SGPP2: variants seen among roughly 807,000 people sequenced by gnomAD.
SGPP2 encodes sphingosine 1-phosphate phosphohydrolase 2.
SGPP2 carries 30 observed loss-of-function variants against 33.9 expected under a neutral mutation model. The ratio of observed to expected loss-of-function variants is 0.89; its 90% confidence interval spans 0.66 to 1.20. The LOEUF (loss-of-function observed/expected upper bound fraction) is 1.20, where lower values mean the gene tolerates loss of function less well. Among genes scored for constraint, SGPP2 ranks in the 50% most tolerant of loss-of-function variants. The pLI is 0.00. For missense variants in SGPP2, 458 were observed against 532.1 expected (o/e 0.86, Z 1.37); for synonymous variants, 233 against 225.0 (o/e 1.04, Z -0.32).
Position 222,561,160 on chromosome 2 carries a change from C to G in SGPP2, c.*2262C>G, listed in dbSNP as rs1689531701. On this transcript the variant is annotated 3_prime_UTR_variant, in exon 5 of 5. Transcript: ENST00000321276. ...TCCTGTTTTTACTTAAAATTCTTCTCATATTTATTATAGTTAGAAGGCAAA... is the reference window on the plus strand; with the variant it reads ...TCCTGTTTTTACTTAAAATTCTTCTGATATTTATTATAGTTAGAAGGCAAA... 6.6e-6 allele frequency among the ~76,000 whole-genome samples: 1 copy of G among 151,772 alleles called. No homozygotes were observed. Among genetic ancestry groups the G allele is most frequent in the African/African-American group, 2.4e-5 (1 of 41,314 alleles).
At chr2:222,438,540 T>A (rs1697278864) in intron 1 of SGPP2, among the ~76,000 whole-genome samples, 1 of 152,226 alleles carries the variant, frequency 6.6e-6, no homozygotes, top group Non-Finnish European at 1.5e-5. Context: ...GTGGGCCTCA[T>A]GGACAGGAAT....
intron 1 of SGPP2, among the ~76,000 whole-genome samples, chr2:222,433,059 AAGAG>A (rs1440641360): frequency 8.5e-6 from 1 of 117,990 alleles, no homozygotes; most frequent in Admixed American, 9.3e-5. Flanking sequence ...AAGAGAGAGA[AAGAG>A]AGGAGAGAAG....
At chr2:222,444,939 T>C (rs1697377701) in intron 1 of SGPP2, among the ~76,000 whole-genome samples, 1 of 152,134 alleles carries the variant, frequency 6.6e-6, no homozygotes, top group Admixed American at 6.5e-5. Flanking sequence ...GCATGGGTAA[T>C]AAAATAAAGC....
chr2:222,525,368 G>A (rs770480665), intron 4 of SGPP2, among the ~76,000 whole-genome samples: 7 of 152,136 alleles, frequency 4.6e-5, no homozygotes, highest in African/African-American at 1.7e-4. Context: ...TCATAGGCAC[G>A]AGTGAGTAGA....
rs1284849662 is a variant in SGPP2 at position 222,561,092 on chromosome 2, G to A, written c.*2194G>A. The A allele has an allele frequency of 1.6e-4, 23 of 145,666 alleles. No individual in the cohort carries two copies. Among genetic ancestry groups the A allele is most frequent in the Admixed American group, 2.1e-4 (3 of 14,250 alleles). 9.0% of individuals were successfully genotyped at this position (145,666 alleles called of 1,614,324 possible). ...TGCACTCCAGCCTGGGCGACAGAGC[G>A]AGACTCTCTCAAAAAAAAAAAAAAA... On this transcript the variant is annotated 3_prime_UTR_variant, in exon 5 of 5. Coordinates refer to ENST00000321276, the MANE Select transcript of SGPP2 (RefSeq NM_152386.4).
chr2:222,483,109 C>G lies in SGPP2; in HGVS notation c.378+8383C>G, dbSNP rs868231745. Among the ~76,000 whole-genome samples the G allele has an allele frequency of 2.0e-5, 3 of 152,286 alleles. 1 individual carries two copies. The highest frequency in any genetic ancestry group is 6.8e-3 in the Middle Eastern group (2 of 294). ...AAATAGAATAGAAGGTATTTCATCGCTTGTGCAGACTGAATGCTAATATGG... is the reference window on the plus strand; with the variant it reads ...AAATAGAATAGAAGGTATTTCATCGGTTGTGCAGACTGAATGCTAATATGG... On this transcript the variant is annotated intron_variant, in intron 2 of 4. Coordinates refer to ENST00000321276, the MANE Select transcript of SGPP2 (RefSeq NM_152386.4).
At chr2:222,491,142 TA>T (rs62992564) in intron 2 of SGPP2, among the ~76,000 whole-genome samples, 63,331 of 150,600 alleles carry the variant, frequency 0.42, 14,843 homozygotes, top group Middle Eastern at 0.63. Context: ...TCCAAATATA[TA>T]TTTTTTTTTG....
chr2:222,512,157 G>A (rs186544825), intron 2 of SGPP2, among the ~76,000 whole-genome samples: 214 of 151,970 alleles, frequency 1.4e-3, no homozygotes, highest in African/African-American at 5.0e-3. Flanking sequence ...AACTACAGGC[G>A]CCCGCCACCA....
intron 2 of SGPP2, among the ~76,000 whole-genome samples, chr2:222,503,524 T>C (rs1451448578): frequency 1.3e-5 from 2 of 152,210 alleles, no homozygotes; most frequent in African/African-American, 4.8e-5. Flanking sequence ...CTGGTAATAA[T>C]TGCTTTGAAT....
At chr2:222,473,509 T>A (rs1697880776) in intron 1 of SGPP2, among the ~76,000 whole-genome samples, 1 of 152,106 alleles carries the variant, frequency 6.6e-6, no homozygotes, top group African/African-American at 2.4e-5. Flanking sequence ...ATCTCAAGAT[T>A]ATTAATTTGA....
chr2:222,540,160 G>A (rs1698970475), intron 4 of SGPP2, among the ~76,000 whole-genome samples: 2 of 152,112 alleles, frequency 1.3e-5, no homozygotes, highest in Admixed American at 6.5e-5. Flanking sequence ...GGTTTTTTCA[G>A]ATTTTTGAAT....
At chr2:222,490,589 C>T (rs1372188267) in intron 2 of SGPP2, among the ~76,000 whole-genome samples, 1 of 147,530 alleles carries the variant, frequency 6.8e-6, no homozygotes, top group African/African-American at 2.5e-5. Context: ...AGGTACAAGC[C>T]AACACACCTG....
In SGPP2 at chr2:222,474,545, G is replaced by C. The variant is rs751357154; in HGVS notation, c.220-23G>C. The C allele has an allele frequency of 2.5e-6, 4 of 1,609,222 alleles. No individual in the cohort carries two copies. In the African/African-American group the frequency reaches 5.4e-5, roughly 22 times the overall value. On this transcript the variant is annotated intron_variant, in intron 1 of 4. Coordinates refer to ENST00000321276, the MANE Select transcript of SGPP2 (RefSeq NM_152386.4). ...TTGACATATTGCATGAACTCACAGA[G>C]TCTTCTAACTTTTGTCTTTTAGGCT...
chr2:222,534,097 G>A (rs764678142), intron 4 of SGPP2, among the ~76,000 whole-genome samples: 3 of 152,172 alleles, frequency 2.0e-5, no homozygotes, highest in Non-Finnish European at 4.4e-5. Flanking sequence ...TCTATAGCAT[G>A]GCATTTTTCC....
intron 1 of SGPP2, among the ~76,000 whole-genome samples, chr2:222,450,725 C>T (rs2106075235): frequency 6.6e-6 from 1 of 152,294 alleles, no homozygotes; most frequent in East Asian, 1.9e-4. Flanking sequence ...CCACATCTTC[C>T]CTCCCACTCC....
intron 1 of SGPP2, chr2:222,452,689 T>C (rs1697510423): frequency 2.9e-6 from 4 of 1,375,940 alleles, no homozygotes; most frequent in Non-Finnish European, 4.1e-6. Context: ...CTGTGGTTGC[T>C]GCAGCTTGAA....
intron 1 of SGPP2, among the ~76,000 whole-genome samples, chr2:222,434,202 G>A (rs574236149): frequency 1.8e-4 from 27 of 152,270 alleles, no homozygotes; most frequent in African/African-American, 5.8e-4. Flanking sequence ...TTCTTGCCTG[G>A]TGAGATACAT....
In SGPP2 at chr2:222,434,227, A is replaced by T. The variant is rs142899001; in HGVS notation, c.219+9406A>T. On this transcript the variant is annotated intron_variant, in intron 1 of 4. Transcript: ENST00000321276. Reference sequence around the variant, plus strand: ...GTGAGATACATTCCATATACTGAGAAAGTGAAACATTGAAAAATCAAGGCG... The same window carrying T: ...GTGAGATACATTCCATATACTGAGATAGTGAAACATTGAAAAATCAAGGCG... Among the ~76,000 whole-genome samples, 24 of 152,322 alleles carry T rather than the reference A, an allele frequency of 1.6e-4. No individual in the cohort carries two copies. In the East Asian group the frequency reaches 3.9e-3, roughly 24 times the overall value.
chr2:222,514,103 A>ATTGT (rs1698569414), intron 2 of SGPP2, among the ~76,000 whole-genome samples: 2 of 152,204 alleles, frequency 1.3e-5, no homozygotes. Flanking sequence ...CAATTTTTTA[A>ATTGT]ATAATGTGCT....
Sources: allele counts gnomAD v4.1 joint callset (sites outside exome capture counted in the v4.1 genomes callset), GRCh38; gene constraint gnomAD v4.1.1; transcripts MANE v1.5; gene names NCBI Gene and HGNC (gene_info 2026-07-23, HGNC 2026-07-21).